Variants in PPP1R12C observed in about 807,000 individuals in gnomAD.
PPP1R12C encodes leukocyte receptor cluster (LRC) encoded novel gene 3.
A neutral mutation model predicts 95.6 loss-of-function variants in PPP1R12C; 48 were observed. The ratio of observed to expected loss-of-function variants is 0.50; its 90% CI spans 0.40 to 0.64. PPP1R12C has a LOEUF of 0.64. PPP1R12C is among the 30% of genes least tolerant of loss of function. PPP1R12C has a pLI of 0.00. For missense variants in PPP1R12C, 1,057 were observed against 1,083.3 expected (o/e 0.98, Z 0.34); for synonymous variants, 480 against 460.8 (o/e 1.04, Z -0.53).
intron 3 of PPP1R12C, among the ~76,000 whole-genome samples, chr19:55,110,639 G>A (rs1192241401): frequency 2.0e-5 from 3 of 152,112 alleles, no homozygotes; most frequent in African/African-American, 4.8e-5. Flanking sequence ...TTGCGAGGCC[G>A]AGGCCAGCAG....
chr19:55,113,782 A>C (rs1485033665), intron 1 of PPP1R12C: 1 of 297,024 alleles, frequency 3.4e-6, no homozygotes, highest in African/African-American at 2.2e-5. Context: ...AACGGGATGA[A>C]CTCGGCTCGT....
intron 3 of PPP1R12C, among the ~76,000 whole-genome samples, chr19:55,105,127 G>A (rs1287892901): frequency 2.6e-5 from 4 of 151,248 alleles, no homozygotes; most frequent in African/African-American, 2.4e-5. Context: ...GTACAGTGGT[G>A]CAATTATGGC....
rs1451011767 is a variant in PPP1R12C at position 55,091,874 on chromosome 19, C to T, written c.2196G>A (p.Leu732=). The change falls in exon 20 of 22, where the codon CTG becomes CTA. Residue 732 remains leucine (L), a synonymous_variant. Transcript: ENST00000263433. ...CCCTACTCACGAATCTCTCCAGTTC[C>T]AGGAGGGCTGGCCTCTCAGCGAAGC... The part of the protein sequence containing the change: ...QERFAERPAL[L]ELERFERRAL... The T allele has an allele frequency of 2.8e-5, 45 of 1,613,288 alleles. No individual in the cohort carries two copies. Among genetic ancestry groups the T allele is most frequent in the Non-Finnish European group, 3.6e-5 (42 of 1,180,022 alleles).
Position 55,112,743 on chromosome 19 carries a change from G to C in PPP1R12C, c.374C>G (p.Ala125Gly). The part of the protein sequence containing the change: ...EVVRFLVEQG[A>G]TVNQADNEGW... ...CTCGTTGTCTGCCTGGTTCACAGTG[G>C]CGCCCTGCTCCACCAAGAAGCGCAC... The change falls in exon 2 of 22, where the codon GCC becomes GGC. Residue 125 changes from alanine (A) to glycine (G), a missense_variant. By Grantham distance (60) the Ala-to-Gly change is moderately conservative. This residue lies in a region of PPP1R12C where 282 missense variants were observed against 380.4 expected (regional missense o/e 0.74). Coordinates refer to ENST00000263433, the MANE Select transcript of PPP1R12C (RefSeq NM_017607.4). The C allele has an allele frequency of 6.2e-7, 1 of 1,613,806 alleles. No homozygotes were observed. The highest frequency in any genetic ancestry group is 8.5e-7 in the Non-Finnish European group (1 of 1,179,986).
Position 55,091,778 on chromosome 19 carries a change from G to A in PPP1R12C, c.2212-78C>T, listed in dbSNP as rs574969779. 1.6e-5 allele frequency: 25 copies of A among 1,611,766 alleles called. No homozygotes were observed. The South Asian group carries it at 2.5e-4, about 16-fold the overall frequency. Reference sequence around the variant, plus strand: ...GAAGGCCAGGGGCCAGCTGGGAAGGGCAATGTGGCTCCCTTGGTCCAAACT... The same window carrying A: ...GAAGGCCAGGGGCCAGCTGGGAAGGACAATGTGGCTCCCTTGGTCCAAACT... On this transcript the variant is annotated intron_variant, in intron 20 of 21. Coordinates refer to ENST00000263433, the MANE Select transcript of PPP1R12C (RefSeq NM_017607.4).
chr19:55,095,440 C>G lies in PPP1R12C; in HGVS notation c.1386+5G>C. ...GGGCCTGGACCCGGCCCAACCCTCA[C>G]TCACCTGAGTGGAGGTCCCTTCCAG... On this transcript the variant is annotated splice_donor_5th_base_variant and intron_variant, in intron 10 of 21. Coordinates refer to ENST00000263433, the MANE Select transcript of PPP1R12C (RefSeq NM_017607.4). The G allele has an allele frequency of 1.3e-6, 2 of 1,561,132 alleles. No individual in the cohort carries two copies. The highest frequency in any genetic ancestry group is 1.7e-6 in the Non-Finnish European group (2 of 1,152,976).
chr19:55,097,442 C>A (rs1270743082), intron 6 of PPP1R12C, among the ~76,000 whole-genome samples: 1 of 134,186 alleles, frequency 7.5e-6, no homozygotes, highest in African/African-American at 3.1e-5. Flanking sequence ...CCGTCTTCGC[C>A]CCTTCTCCGC....
At chr19:55,113,440 C>G in intron 1 of PPP1R12C, 1 of 1,501,162 alleles carries the variant, frequency 6.7e-7, no homozygotes, top group South Asian at 1.2e-5. Context: ...CTGAGGCCCC[C>G]TCTGCACGGG....
At chr19:55,094,600 C>T in intron 12 of PPP1R12C, 61 bp downstream of exon 12, 2 of 1,531,730 alleles carry the variant, frequency 1.3e-6, no homozygotes, top group Non-Finnish European at 8.7e-7. Context: ...GGGACTCCTG[C>T]TTCACATCGT....
chr19:55,092,071 C>G (rs868368086), intron 19 of PPP1R12C, 151 bp downstream of exon 19: 39 of 1,092,326 alleles, frequency 3.6e-5, no homozygotes, highest in Non-Finnish European at 5.0e-5. Flanking sequence ...CCCATCCCCT[C>G]GCTCAGACTC....
At position 55,098,939 on chromosome 19, in the gene PPP1R12C, A is replaced by C; in HGVS notation, c.876+12T>G. The C allele has an allele frequency of 6.3e-7, 1 of 1,590,476 alleles. No homozygotes were observed. Among genetic ancestry groups the C allele is most frequent in the South Asian group, 1.1e-5 (1 of 88,630 alleles). On this transcript the variant is annotated intron_variant, in intron 5 of 21. Coordinates refer to ENST00000263433, the MANE Select transcript of PPP1R12C (RefSeq NM_017607.4). Reference sequence around the variant, plus strand: ...CGCCCTGCCCCTCACCAGCCTGGGCACTGGCCCTCACCGCATGGGTCAGTG... The same window carrying C: ...CGCCCTGCCCCTCACCAGCCTGGGCCCTGGCCCTCACCGCATGGGTCAGTG...
chr19:55,094,904 G>T, intron 11 of PPP1R12C, 106 bp from the exon 12 acceptor site: 1 of 1,305,688 alleles, frequency 7.7e-7, no homozygotes, highest in Non-Finnish European at 1.1e-6. Context: ...CCACAACAGA[G>T]TCAGAGCTGA....
Position 55,094,687 on chromosome 19 carries a change from G to A in PPP1R12C, c.1566C>T (p.Pro522=), listed in dbSNP as rs765835542. ...TCCGTCGGTCCCGGGAGTCCGCTGG[G>A]GGCGCCGTGGAGGCTGTGGGGACGT... ...KPNVPTASTA[P]PADSRDRRRS... is the part of the protein sequence containing the mutation. The change falls in exon 12 of 22, where the codon CCC becomes CCT. Residue 522 remains proline (P), a synonymous_variant. Coordinates refer to ENST00000263433, the MANE Select transcript of PPP1R12C (RefSeq NM_017607.4). The A allele has an allele frequency of 6.2e-7, 1 of 1,605,384 alleles. No individual in the cohort carries two copies. Among genetic ancestry groups the A allele is most frequent in the South Asian group, 1.1e-5 (1 of 89,864 alleles).
chr19:55,092,691 G>A (rs375125781), intron 16 of PPP1R12C, 29 bp from the exon 17 acceptor site: 19 of 1,521,272 alleles, frequency 1.2e-5, no homozygotes, highest in South Asian at 7.7e-5. Context: ...GGGTTCAATG[G>A]GTATGGGAGG....
chr19:55,093,121 C>T (rs1396139437), intron 14 of PPP1R12C, 32 bp downstream of exon 14: 19 of 1,613,314 alleles, frequency 1.2e-5, no homozygotes, highest in East Asian at 2.2e-5. Context: ...ACATCCCGCA[C>T]CACCCCACTC....
intron 18 of PPP1R12C, 21 bp from the exon 19 acceptor site, chr19:55,092,347 G>A (rs2084853322): frequency 1.3e-6 from 2 of 1,581,420 alleles, no homozygotes; most frequent in African/African-American, 1.3e-5. Context: ...GGTAGAGGAG[G>A]GTCAGGTGGA....
At position 55,091,541 on chromosome 19, in the gene PPP1R12C, G is replaced by A. The variant is rs370873222; in HGVS notation, c.2280C>T (p.Arg760=). Residue 760 remains arginine, a synonymous_variant, in exon 22 of 22, where the codon CGC becomes CGT. Transcript: ENST00000263433. ...EEELKALSDL[R]ADNQRLKDEN... ...CATCCTTGAGGCGCTGGTTGTCAGCGCGGAGGTCAGACAGGGCCTGGGGGA... is the reference window on the plus strand; with the variant it reads ...CATCCTTGAGGCGCTGGTTGTCAGCACGGAGGTCAGACAGGGCCTGGGGGA... The A allele has an allele frequency of 1.1e-4, 171 of 1,613,704 alleles. No homozygotes were observed. Among genetic ancestry groups the A allele is most frequent in the South Asian group, 6.1e-4 (56 of 91,096 alleles).
chr19:55,116,571 G>A (rs2085156099), intron 1 of PPP1R12C, among the ~76,000 whole-genome samples: 1 of 152,218 alleles, frequency 6.6e-6, no homozygotes, highest in South Asian at 2.1e-4. Flanking sequence ...AGAGAAAGCA[G>A]GACCTGCCTG....
At position 55,117,530 on chromosome 19, in the gene PPP1R12C, T is replaced by C; in HGVS notation, c.14A>G (p.Asp5Gly). 1 of 1,018,332 alleles carries C rather than the reference T, an allele frequency of 9.8e-7. No individual in the cohort carries two copies. The allele number at this position is 1,018,332 out of a possible 1,614,324, so 63.1% of individuals were successfully genotyped here. ...CGCCCCCGGGCCAGCCGCCGGGCCA[T>C]CCTCTCCGGACATCGCACCGCCCGC... MSGE[D>G]GPAAGPGAAA... The change falls in exon 1 of 22, where the codon GAT becomes GGT. Residue 5 changes from aspartate (D) to glycine (G), a missense_variant. Asp to Gly is a moderately conservative substitution (Grantham distance 94). Coordinates refer to ENST00000263433, the MANE Select transcript of PPP1R12C (RefSeq NM_017607.4).
Sources: allele counts gnomAD v4.1 joint callset (sites outside exome capture counted in the v4.1 genomes callset), GRCh38; gene constraint gnomAD v4.1.1; regional missense constraint gnomAD v4.1.1; transcripts MANE v1.5; gene names NCBI Gene and HGNC (gene_info 2026-07-23, HGNC 2026-07-21).